The following LMO7 variants were observed in gnomAD, a reference collection of about 807,000 sequenced individuals.
LMO7 encodes the protein LIM domain only protein 7.
LMO7 carries 120 observed loss-of-function variants against 206.5 expected under a neutral mutation model. That is an observed-to-expected ratio of 0.58 (90% confidence interval 0.50 to 0.68). The LOEUF (loss-of-function observed/expected upper bound fraction) is 0.68. LMO7 is among the 30% of genes least tolerant of loss of function. The pLI is 0.00. For synonymous variants in LMO7, 706 were observed against 681.5 expected, an observed-to-expected ratio of 1.04 and a Z score of -0.56; for missense variants, 1,959 against 1,957.9, an observed-to-expected ratio of 1.00 and a Z score of -0.01.
At chr13:75,643,216 C>T (rs752121864) in intron 1 of LMO7, among the ~76,000 whole-genome samples, 1 of 152,310 alleles carries the variant, frequency 6.6e-6, no homozygotes, top group Non-Finnish European at 1.5e-5. Context: ...GCTGTTGAGA[C>T]TAAACACTCC....
At chr13:75,661,998 T>A (rs2038652476) in intron 1 of LMO7, among the ~76,000 whole-genome samples, 1 of 152,214 alleles carries the variant, frequency 6.6e-6, no homozygotes, top group Non-Finnish European at 1.5e-5. Flanking sequence ...TTTAATTTTG[T>A]TTATAAAAGT....
At chr13:75,621,963 T>C in intron 1 of LMO7, 1 of 803,380 alleles carries the variant, frequency 1.2e-6, no homozygotes, top group Non-Finnish European at 1.8e-6. Context: ...CACATGTAGG[T>C]GGAAAAGAGG....
rs1595068916 is a variant in LMO7 at position 75,795,423 on chromosome 13, G to A, written c.340G>A (p.Val114Met). The part of the protein sequence containing the change: ...TVKQEETDRR[V>M]KNVLITLYWL... ...CAGGCAAGAAGAGACTGACAGGAGAGTGAAAAATGTAAGATACATTTACCT... is the reference window on the plus strand; with the variant it reads ...CAGGCAAGAAGAGACTGACAGGAGAATGAAAAATGTAAGATACATTTACCT... Residue 114 changes from valine (V) to methionine (M), a missense_variant, in exon 5 of 31, where the codon GTG becomes ATG. Val to Met is a conservative substitution (Grantham distance 21). Transcript: ENST00000377534. The A allele has an allele frequency of 6.3e-7, 1 of 1,590,262 alleles. No homozygotes were observed. Among genetic ancestry groups the A allele is most frequent in the Non-Finnish European group, 8.6e-7 (1 of 1,163,008 alleles).
intron 1 of LMO7, among the ~76,000 whole-genome samples, chr13:75,644,072 C>A (rs1386374684): frequency 1.3e-5 from 2 of 151,954 alleles, no homozygotes; most frequent in Non-Finnish European, 2.9e-5. Flanking sequence ...GAAGATCTTT[C>A]TATGAATATA....
intron 1 of LMO7, among the ~76,000 whole-genome samples, chr13:75,666,685 A>G (rs1336939014): frequency 6.6e-6 from 1 of 152,216 alleles, no homozygotes; most frequent in Non-Finnish European, 1.5e-5. Flanking sequence ...ACATTTTTTA[A>G]AAATATGAAA....
At chr13:75,846,103 T>TA (rs34018345) in intron 26 of LMO7, among the ~76,000 whole-genome samples, 29,910 of 147,014 alleles carry the variant, frequency 0.2, 3,123 homozygotes, top group East Asian at 0.32. Flanking sequence ...ACAGAAAAGT[T>TA]AAAAAAAAAA....
chr13:75,649,541 T>C (rs1472543169), intron 1 of LMO7, among the ~76,000 whole-genome samples: 3 of 152,040 alleles, frequency 2.0e-5, no homozygotes, highest in Non-Finnish European at 2.9e-5. Context: ...AAGTATAGAT[T>C]TGTTGAAAGT....
intron 2 of LMO7, among the ~76,000 whole-genome samples, chr13:75,717,055 A>G (rs2043595954): frequency 6.6e-6 from 1 of 151,902 alleles, no homozygotes. Flanking sequence ...TTTTGAACAC[A>G]TGACTCACAG....
chr13:75,683,584 C>T (rs1181185346), intron 1 of LMO7, among the ~76,000 whole-genome samples: 2 of 152,158 alleles, frequency 1.3e-5, no homozygotes, highest in South Asian at 2.1e-4. Flanking sequence ...TAAGTATATA[C>T]CTTGGCAATA....
chr13:75,737,536 G>A (rs1182183191), intron 3 of LMO7, among the ~76,000 whole-genome samples: 2 of 148,910 alleles, frequency 1.3e-5, no homozygotes, highest in Non-Finnish European at 3.0e-5. Flanking sequence ...GGCGGATCAC[G>A]AGGTCAGGAG....
intron 4 of LMO7, among the ~76,000 whole-genome samples, chr13:75,784,350 G>C (rs1293884816): frequency 2.0e-5 from 3 of 152,112 alleles, no homozygotes; most frequent in Non-Finnish European, 4.4e-5. Context: ...TTGTGGAGCA[G>C]GCAATATTTA....
At chr13:75,716,359 AT>A (rs2043533983) in intron 2 of LMO7, among the ~76,000 whole-genome samples, 1 of 152,186 alleles carries the variant, frequency 6.6e-6, no homozygotes, top group Non-Finnish European at 1.5e-5. Flanking sequence ...GGATAGTTAT[AT>A]GCGTTCATTG....
At chr13:75,688,613 G>A (rs1278916571) in intron 1 of LMO7, 3 of 152,342 alleles carry the variant, frequency 2.0e-5, no homozygotes, top group African/African-American at 4.8e-5. Context: ...CCCCATGGAA[G>A]TTTCTTCTTT....
intron 6 of LMO7, among the ~76,000 whole-genome samples, chr13:75,800,274 T>C (rs1181444001): frequency 6.6e-6 from 1 of 152,226 alleles, no homozygotes; most frequent in Non-Finnish European, 1.5e-5. Flanking sequence ...TCCTTTTGGA[T>C]GACTAAGTTA....
rs17065011 is a variant in LMO7 at position 75,754,761 on chromosome 13, A to T, written c.211-6171A>T. ...ATGATATGAAAATATGTTACTTGAT[A>T]AATGCTTTTGGAAGGAAAATGGGTT... On this transcript the variant is annotated intron_variant, in intron 3 of 30. Transcript: ENST00000377534. Among the ~76,000 whole-genome samples the T allele has an allele frequency of 8.5e-3, 1,300 of 152,316 alleles. 25 individuals are homozygous for T. Among genetic ancestry groups the T allele is most frequent in the African/African-American group, 0.029 (1,225 of 41,564 alleles).
intron 15 of LMO7, among the ~76,000 whole-genome samples, chr13:75,827,739 C>A (rs1352141827): frequency 6.8e-6 from 1 of 148,128 alleles, no homozygotes; most frequent in Non-Finnish European, 1.5e-5. Flanking sequence ...TCTGCCCTTT[C>A]AGAGCTCTAT....
intron 4 of LMO7, among the ~76,000 whole-genome samples, chr13:75,767,660 TCA>T (rs144452303): frequency 1.0e-3 from 154 of 152,170 alleles, no homozygotes; most frequent in African/African-American, 3.2e-3. Context: ...GAAGATTTCT[TCA>T]CAGTTTATTT....
rs376207119 is a variant in LMO7, at chr13:75,821,538, A to T, written c.2569A>T (p.Thr857Ser). 7 of 1,613,974 alleles carry T rather than the reference A, an allele frequency of 4.3e-6. No individual in the cohort carries two copies. The African/African-American group carries it at 6.7e-5, about 15-fold the overall frequency. Residue 857 changes from threonine to serine, a missense_variant, in exon 14 of 31, where the codon ACA (threonine) becomes TCA (serine). Coordinates refer to ENST00000377534, the MANE Select transcript of LMO7 (RefSeq NM_001306080.2). ...CCGGAAAACTGATACAGTCAGGTTA[A>T]CATCTGTGGTCACACCAAGACCCTT... ...SYRKTDTVRL[T>S]SVVTPRPFGS...
upstream of LMO7, among the ~76,000 whole-genome samples, chr13:75,634,850 A>G (rs2035541714): frequency 6.6e-6 from 1 of 151,810 alleles, no homozygotes; most frequent in Non-Finnish European, 1.5e-5. Flanking sequence ...TACTAAAAAT[A>G]TAAAAACTAG....
Sources: allele counts gnomAD v4.1 joint callset (sites outside exome capture counted in the v4.1 genomes callset), GRCh38; gene constraint gnomAD v4.1.1; transcripts MANE v1.5; gene names NCBI Gene and HGNC (gene_info 2026-07-23, HGNC 2026-07-21).